UST: variants seen among roughly 807,000 people sequenced by gnomAD.
The protein encoded by UST is uronyl 2-sulfotransferase, also known as chondroitin sulfate 2-O-sulfotransferase.
A neutral mutation model predicts 45.6 loss-of-function variants in UST; 21 were observed. That is an observed-to-expected ratio of 0.46 (90% CI 0.33 to 0.66). The LOEUF is 0.66. Among genes scored for constraint, UST ranks in the 30% least tolerant of loss-of-function variants. The pLI is 0.02. For synonymous variants in UST, 215 were observed against 200.6 expected, an observed-to-expected ratio of 1.07 and a Z score of -0.61; for missense variants, 463 against 512.4, an observed-to-expected ratio of 0.90 and a Z score of 0.93.
At chr6:148,821,090 C>T (rs1473478190) in intron 1 of UST, among the ~76,000 whole-genome samples, 1 of 150,166 alleles carries the variant, frequency 6.7e-6, no homozygotes, top group Non-Finnish European at 1.5e-5. Flanking sequence ...CTGCCTCAGC[C>T]TCCCAAGTAG....
chr6:148,964,345 T>G, intron 4 of UST, 65 bp from the exon 5 acceptor site: 2 of 1,585,108 alleles, frequency 1.3e-6, no homozygotes, highest in Non-Finnish European at 1.7e-6. Flanking sequence ...GGGGAGATGT[T>G]GTCTAAGTAG....
intron 1 of UST, among the ~76,000 whole-genome samples, chr6:148,789,374 C>T (rs1317316342): frequency 6.6e-6 from 1 of 150,610 alleles, no homozygotes; most frequent in African/African-American, 2.4e-5. Flanking sequence ...CCAATGGAAG[C>T]ATCTATATGA....
intron 1 of UST, among the ~76,000 whole-genome samples, chr6:148,844,077 C>A (rs551791065): frequency 5.0e-4 from 76 of 152,244 alleles, no homozygotes; most frequent in Non-Finnish European, 1.0e-3. Flanking sequence ...CTTTAGGTAG[C>A]TTTCTCTGAC....
intron 5 of UST, among the ~76,000 whole-genome samples, chr6:148,972,682 G>A (rs1304878911): frequency 6.6e-6 from 1 of 152,254 alleles, no homozygotes; most frequent in East Asian, 1.9e-4. Flanking sequence ...GCCCCTCGCT[G>A]TGAGTCAGCG....
intron 2 of UST, 101 bp downstream of exon 2, chr6:148,887,130 G>GA: frequency 1.1e-6 from 1 of 898,230 alleles, no homozygotes; most frequent in Non-Finnish European, 1.8e-6. Context: ...TCATTCACAA[G>GA]AAACAGTAGA....
chr6:148,845,049 G>A (rs1216082621), intron 1 of UST, among the ~76,000 whole-genome samples: 1 of 152,138 alleles, frequency 6.6e-6, no homozygotes, highest in Non-Finnish European at 1.5e-5. Flanking sequence ...GGGCACCTAG[G>A]TTGATTCCAT....
At chr6:148,820,968 CTTTTTT>C (rs71007920) in intron 1 of UST, among the ~76,000 whole-genome samples, 2 of 91,190 alleles carry the variant, frequency 2.2e-5, no homozygotes, top group Admixed American at 3.2e-4. Context: ...TTTTTAATTC[CTTTTTT>C]TTTTTTTTTT....
chr6:149,018,925 A>G (rs1344946180), intron 5 of UST, among the ~76,000 whole-genome samples: 3 of 152,090 alleles, frequency 2.0e-5, no homozygotes, highest in Non-Finnish European at 2.9e-5. Context: ...CAGAGCATGC[A>G]CTCTCTAAAA....
rs140118185 is a variant in UST at position 148,798,380 on chromosome 6, G to A, written c.247+50703G>A. On this transcript the variant is annotated intron_variant, in intron 1 of 7. Coordinates refer to ENST00000367463, the MANE Select transcript of UST (RefSeq NM_005715.3). ...CTTAGTGGTGGGGAATGGGAGGGAG[G>A]CTAACGGGCTGTGTTTGGGGAAGGC... Among the ~76,000 whole-genome samples the A allele has an allele frequency of 3.5e-3, 533 of 152,264 alleles. 2 individuals are homozygous for A. The highest frequency in any genetic ancestry group is 0.012 in the African/African-American group (494 of 41,544).
At chr6:149,022,328 G>A (rs746109523) in intron 7 of UST, among the ~76,000 whole-genome samples, 31 of 152,278 alleles carry the variant, frequency 2.0e-4, no homozygotes, top group African/African-American at 6.5e-4. Flanking sequence ...GGCCCGGTGC[G>A]GTGGCTCATG....
In UST at chr6:149,074,206, C is replaced by G. The variant is rs1436661014; in HGVS notation, c.*90C>G. 1.4e-6 allele frequency: 2 copies of G among 1,395,432 alleles called. No homozygotes were observed. Among genetic ancestry groups the G allele is most frequent in the African/African-American group, 2.9e-5 (2 of 69,178 alleles). The allele number at this position is 1,395,432 out of a possible 1,614,324, so 86.4% of individuals were successfully genotyped here. On this transcript the variant is annotated 3_prime_UTR_variant, in exon 8 of 8. Coordinates refer to ENST00000367463, the MANE Select transcript of UST (RefSeq NM_005715.3). The stretch of plus-strand genomic sequence containing the variant: ...AAATCCTTAAGGGACTAAATTAATG[C>G]TTGGGTGCATTAAAAAGAACAAAAC...
intron 1 of UST, among the ~76,000 whole-genome samples, chr6:148,810,147 T>C (rs1350201329): frequency 6.6e-6 from 1 of 152,208 alleles, no homozygotes; most frequent in Non-Finnish European, 1.5e-5. Context: ...ATTAAAACTT[T>C]GGGACTCTGA....
At chr6:148,868,789 C>A (rs1778495465) in intron 1 of UST, among the ~76,000 whole-genome samples, 1 of 152,132 alleles carries the variant, frequency 6.6e-6, no homozygotes, top group Non-Finnish European at 1.5e-5. Flanking sequence ...AAGAGCGTAA[C>A]AAGGGCTACA....
chr6:148,876,336 C>G (rs190254942), intron 1 of UST, among the ~76,000 whole-genome samples: 1 of 152,106 alleles, frequency 6.6e-6, no homozygotes, highest in Non-Finnish European at 1.5e-5. Flanking sequence ...CCTCCAACAC[C>G]GAGGATTATA....
chr6:149,019,614 T>C (rs975215142), intron 6 of UST, among the ~76,000 whole-genome samples: 25 of 152,204 alleles, frequency 1.6e-4, no homozygotes, highest in African/African-American at 6.0e-4. Flanking sequence ...CCCAGCCTGC[T>C]CCTGTACAGT....
chr6:149,048,992 T>C (rs577838862), intron 7 of UST, among the ~76,000 whole-genome samples: 1 of 152,196 alleles, frequency 6.6e-6, no homozygotes, highest in African/African-American at 2.4e-5. Context: ...AAAATGCCCA[T>C]AGCTGCAGAA....
chr6:148,799,999 T>C (rs929879999), intron 1 of UST, among the ~76,000 whole-genome samples: 1 of 152,212 alleles, frequency 6.6e-6, no homozygotes, highest in African/African-American at 2.4e-5. Flanking sequence ...ATAAAAATAG[T>C]TGACATTAAA....
At chr6:148,851,545 G>T (rs779353090) in intron 1 of UST, among the ~76,000 whole-genome samples, 5 of 152,152 alleles carry the variant, frequency 3.3e-5, no homozygotes, top group Non-Finnish European at 5.9e-5. Context: ...ATATCTCTAT[G>T]CATACAGATA....
chr6:148,779,974 T>G (rs1486037854), intron 1 of UST, among the ~76,000 whole-genome samples: 2 of 152,150 alleles, frequency 1.3e-5, no homozygotes, highest in East Asian at 3.9e-4. Context: ...GCTTATTTAC[T>G]CAGGTTTATT....
Sources: allele counts gnomAD v4.1 joint callset (sites outside exome capture counted in the v4.1 genomes callset), GRCh38; gene constraint gnomAD v4.1.1; transcripts MANE v1.5; gene names NCBI Gene and HGNC (gene_info 2026-07-23, HGNC 2026-07-21).